RXFP1: variants seen among roughly 807,000 people sequenced by gnomAD.
RXFP1 encodes relaxin family peptide receptor 1.
RXFP1 carries 73 observed loss-of-function variants against 89.8 expected under a neutral mutation model. The observed-to-expected ratio is 0.81, with a 90% CI of 0.67 to 0.99. The LOEUF is 0.99. Among genes scored for constraint, RXFP1 ranks in the 50% least tolerant of loss-of-function variants. The probability of loss-of-function intolerance (pLI) is 0.00; values close to 1 mark genes in which losing one functional copy is unlikely to be tolerated. For synonymous variants in RXFP1, 277 were observed against 305.5 expected (o/e 0.91, Z 0.97); for missense variants, 793 against 895.5 (o/e 0.89, Z 1.46).
chr4:158,593,119 C>T (rs559190239), intron 2 of RXFP1, among the ~76,000 whole-genome samples: 5 of 146,442 alleles, frequency 3.4e-5, no homozygotes, highest in African/African-American at 1.3e-4. Context: ...ACAAAAAAAA[C>T]TGGAGAATGG....
intron 5 of RXFP1, among the ~76,000 whole-genome samples, chr4:158,605,803 A>G (rs1762455079): frequency 6.6e-6 from 1 of 152,176 alleles, no homozygotes; most frequent in Non-Finnish European, 1.5e-5. Flanking sequence ...GATAGTCTGT[A>G]CCTAAATCAC....
chr4:158,607,132 G>A, intron 5 of RXFP1: 2 of 1,535,166 alleles, frequency 1.3e-6, no homozygotes, highest in South Asian at 1.2e-5. Context: ...GCAATCTGGG[G>A]CAAGTACACA....
At chr4:158,528,481 G>A (rs1743164065) in intron 1 of RXFP1, among the ~76,000 whole-genome samples, 1 of 152,156 alleles carries the variant, frequency 6.6e-6, no homozygotes. Context: ...CTCCAGCCTA[G>A]GCAACAGAGC....
chr4:158,568,765 C>T (rs1754391920), intron 1 of RXFP1, among the ~76,000 whole-genome samples: 1 of 152,224 alleles, frequency 6.6e-6, no homozygotes, highest in African/African-American at 2.4e-5. Context: ...CAAAGCCTTT[C>T]ATACATGGAT....
At chr4:158,564,520 G>C (rs557757003) in intron 1 of RXFP1, among the ~76,000 whole-genome samples, 1 of 152,192 alleles carries the variant, frequency 6.6e-6, no homozygotes, top group Non-Finnish European at 1.5e-5. Context: ...AAGCCAGAGA[G>C]ACTCCATGAC....
At chr4:158,579,501 T>C (rs1756919242) in intron 2 of RXFP1, among the ~76,000 whole-genome samples, 3 of 152,184 alleles carry the variant, frequency 2.0e-5, no homozygotes, top group Admixed American at 2.0e-4. Flanking sequence ...CTTGACCTCG[T>C]GATCCGCCCA....
chr4:158,632,890 G>A (rs997990011), intron 11 of RXFP1, among the ~76,000 whole-genome samples: 1 of 152,182 alleles, frequency 6.6e-6, no homozygotes, highest in African/African-American at 2.4e-5. Context: ...AACCAGATCA[G>A]GCCAGGTGCA....
At chr4:158,613,297 A>T (rs539433894) in intron 8 of RXFP1, among the ~76,000 whole-genome samples, 1 of 152,320 alleles carries the variant, frequency 6.6e-6, no homozygotes, top group East Asian at 1.9e-4. Context: ...AAAATAAGAT[A>T]ACAATGAGGT....
At chr4:158,613,910 A>G (rs541911572) in intron 8 of RXFP1, among the ~76,000 whole-genome samples, 1 of 152,324 alleles carries the variant, frequency 6.6e-6, no homozygotes, top group South Asian at 2.1e-4. Flanking sequence ...AAATAATAAG[A>G]CTTGAAAGTT....
chr4:158,638,520 C>T (rs981601641), intron 13 of RXFP1, among the ~76,000 whole-genome samples: 1 of 152,086 alleles, frequency 6.6e-6, no homozygotes, highest in Non-Finnish European at 1.5e-5. Context: ...AAAAGATAAG[C>T]TTCAGGGCTG....
chr4:158,574,178 C>A (rs190048428), intron 2 of RXFP1, among the ~76,000 whole-genome samples: 190 of 152,278 alleles, frequency 1.2e-3, no homozygotes, highest in Non-Finnish European at 2.2e-3. Context: ...AGTAAGATTT[C>A]TCACCTGTCA....
At chr4:158,556,224 C>A (rs1389276230) in intron 1 of RXFP1, among the ~76,000 whole-genome samples, 2 of 132,480 alleles carry the variant, frequency 1.5e-5, no homozygotes, top group Admixed American at 7.5e-5. Context: ...AACTTAACAG[C>A]AAAAAAAAAA....
chr4:158,563,531 CACA>C (rs1561017057), intron 1 of RXFP1, among the ~76,000 whole-genome samples: 6 of 149,958 alleles, frequency 4.0e-5, no homozygotes, highest in African/African-American at 1.5e-4. Context: ...CACACACACA[CACA>C]CACCCCAACA....
intron 4 of RXFP1, among the ~76,000 whole-genome samples, chr4:158,603,163 G>A (rs1762001270): frequency 6.6e-6 from 1 of 152,088 alleles, no homozygotes; most frequent in Admixed American, 6.6e-5. Context: ...AGCTGGTCTT[G>A]AACTCCTGGG....
At chr4:158,623,615 A>C (rs1295927159) in intron 9 of RXFP1, among the ~76,000 whole-genome samples, 1 of 152,042 alleles carries the variant, frequency 6.6e-6, no homozygotes, top group Non-Finnish European at 1.5e-5. Context: ...TAATCAGTGT[A>C]TATCAAACTT....
chr4:158,549,699 G>A (rs1278986966), intron 1 of RXFP1, among the ~76,000 whole-genome samples: 1 of 152,202 alleles, frequency 6.6e-6, no homozygotes, highest in East Asian at 1.9e-4. Context: ...GTCTGTTGGA[G>A]TTTGCTAGAG....
At chr4:158,572,998 T>A in intron 2 of RXFP1, 163 bp downstream of exon 2, 15 of 1,016,934 alleles carry the variant, frequency 1.5e-5, no homozygotes, top group East Asian at 2.8e-5. Flanking sequence ...AAATATCCAC[T>A]CTTTTCTTTT....
At chr4:158,614,078 C>A (rs570717933) in intron 8 of RXFP1, among the ~76,000 whole-genome samples, 35 of 152,208 alleles carry the variant, frequency 2.3e-4, no homozygotes, top group Admixed American at 1.8e-3. Context: ...TTTTTCTGAG[C>A]AGTAGGTCCC....
chr4:158,641,581 G>A (rs1297688651), intron 14 of RXFP1, among the ~76,000 whole-genome samples: 1 of 152,148 alleles, frequency 6.6e-6, no homozygotes, highest in Non-Finnish European at 1.5e-5. Context: ...TGTCCTTCAT[G>A]GTTTACAGAA....
Sources: allele counts gnomAD v4.1 joint callset (sites outside exome capture counted in the v4.1 genomes callset), GRCh38; gene constraint gnomAD v4.1.1; transcripts MANE v1.5; gene names NCBI Gene and HGNC (gene_info 2026-07-23, HGNC 2026-07-21).